FGF14: variants seen among roughly 807,000 people sequenced by gnomAD.
The protein encoded by FGF14 is fibroblast growth factor 14.
Under a neutral mutation model 25.5 loss-of-function variants are expected in FGF14, and 5 were observed. That is an observed-to-expected ratio of 0.20 (90% CI 0.10 to 0.41). The LOEUF (loss-of-function observed/expected upper bound fraction) is 0.41, where lower values mean the gene tolerates loss of function less well. Among genes scored for constraint, FGF14 ranks in the 10% least tolerant of loss-of-function variants. The pLI is 1.00. For synonymous variants in FGF14, 138 were observed against 118.3 expected (o/e 1.17, Z -1.08); for missense variants, 222 against 320.1 (o/e 0.69, Z 2.34).
At chr13:102,234,414 A>G (rs2051233393) in intron 1 of FGF14, among the ~76,000 whole-genome samples, 1 of 73,062 alleles carries the variant, frequency 1.4e-5, no homozygotes, top group African/African-American at 6.2e-5. Flanking sequence ...GCATACACTT[A>G]AATGTGAAGA....
At chr13:102,077,474 G>A (rs2043417313) in intron 1 of FGF14, among the ~76,000 whole-genome samples, 1 of 152,044 alleles carries the variant, frequency 6.6e-6, no homozygotes, top group Non-Finnish European at 1.5e-5. Flanking sequence ...CTTAAAAACA[G>A]GTAAAGGATA....
intron 1 of FGF14, among the ~76,000 whole-genome samples, chr13:101,884,579 T>C (rs886210714): frequency 6.6e-6 from 1 of 151,996 alleles, no homozygotes; most frequent in Non-Finnish European, 1.5e-5. Context: ...CATTAATATA[T>C]GAATAAATAC....
At chr13:102,087,102 C>T (rs1160405583) in intron 1 of FGF14, among the ~76,000 whole-genome samples, 1 of 152,146 alleles carries the variant, frequency 6.6e-6, no homozygotes, top group East Asian at 1.9e-4. Context: ...AATAATCCTG[C>T]CATAATGTAG....
chr13:101,932,714 C>T (rs904282049), intron 1 of FGF14, among the ~76,000 whole-genome samples: 6 of 148,066 alleles, frequency 4.1e-5, no homozygotes, highest in African/African-American at 1.5e-4. Flanking sequence ...TCGGTTGCCC[C>T]TACACACTTT....
chr13:102,224,177 C>G (rs2050734409), intron 1 of FGF14, among the ~76,000 whole-genome samples: 1 of 151,974 alleles, frequency 6.6e-6, no homozygotes, highest in African/African-American at 2.4e-5. Context: ...ATAAAGAAAA[C>G]ATATCTCCAA....
At chr13:102,114,382 T>C (rs776493248) in intron 1 of FGF14, among the ~76,000 whole-genome samples, 2 of 152,214 alleles carry the variant, frequency 1.3e-5, no homozygotes, top group Non-Finnish European at 2.9e-5. Context: ...CAGTTGACTG[T>C]GTCCTTTCCT....
chr13:101,744,967 G>A (rs376750730), intron 3 of FGF14, among the ~76,000 whole-genome samples: 3 of 152,092 alleles, frequency 2.0e-5, no homozygotes, highest in East Asian at 1.9e-4. Flanking sequence ...TCAAATAAAT[G>A]TTTGAACACT....
chr13:101,823,162 A>G (rs1311558997), intron 3 of FGF14, among the ~76,000 whole-genome samples: 1 of 152,052 alleles, frequency 6.6e-6, no homozygotes, highest in Non-Finnish European at 1.5e-5. Flanking sequence ...AAGCTGCTAT[A>G]AACGTTTGAA....
At chr13:102,206,984 C>T (rs1257485223) in intron 1 of FGF14, among the ~76,000 whole-genome samples, 1 of 151,946 alleles carries the variant, frequency 6.6e-6, no homozygotes, top group African/African-American at 2.4e-5. Flanking sequence ...AGGTCAGAAA[C>T]AAGTTTTCCC....
At chr13:102,333,687 C>T (rs868831485) in intron 1 of FGF14, among the ~76,000 whole-genome samples, 8 of 152,112 alleles carry the variant, frequency 5.3e-5, no homozygotes, top group Non-Finnish European at 1.2e-4. Flanking sequence ...TCAGAAAGGA[C>T]GTAAAGTGTC....
At chr13:102,310,088 T>G (rs1293076182) in intron 1 of FGF14, among the ~76,000 whole-genome samples, 1 of 152,212 alleles carries the variant, frequency 6.6e-6, no homozygotes, top group Admixed American at 6.5e-5. Flanking sequence ...AATGAAAAGG[T>G]TTGCTTCCTT....
chr13:101,784,852 C>A (rs2039710853), intron 3 of FGF14, among the ~76,000 whole-genome samples: 1 of 152,166 alleles, frequency 6.6e-6, no homozygotes, highest in Admixed American at 6.5e-5. Flanking sequence ...CATATCACTG[C>A]ATACGCAATC....
chr13:101,934,041 T>C (rs1029491425), intron 1 of FGF14, among the ~76,000 whole-genome samples: 10 of 152,156 alleles, frequency 6.6e-5, no homozygotes, highest in Non-Finnish European at 1.2e-4. Flanking sequence ...TTGTATTCAA[T>C]TTGGTTAATA....
At chr13:101,833,996 C>T (rs1416788908) in intron 3 of FGF14, among the ~76,000 whole-genome samples, 1 of 152,050 alleles carries the variant, frequency 6.6e-6, no homozygotes, top group East Asian at 1.9e-4. Flanking sequence ...TAGTGCTATT[C>T]ACAAGAGAAC....
In FGF14 at chr13:101,876,402, T is replaced by C. The variant is rs929651584; in HGVS notation, c.194-1106A>G. ...AGTAATGAAACCTAGCACCTTATAA[T>C]CAATAGAAAAATTGTGGTCTTGCAA... On this transcript the variant is annotated intron_variant, in intron 1 of 4. Transcript: ENST00000376143. Among the ~76,000 whole-genome samples, 6 of 152,132 alleles carry C rather than the reference T, an allele frequency of 3.9e-5. No homozygotes were observed. The South Asian group carries it at 8.3e-4, about 21-fold the overall frequency.
chr13:102,361,615 AT>A (rs770392440), intron 1 of FGF14, among the ~76,000 whole-genome samples: 1 of 150,860 alleles, frequency 6.6e-6, no homozygotes, highest in East Asian at 1.9e-4. Flanking sequence ...CTCCCTCCTT[AT>A]TTGCCTTCCC....
intron 1 of FGF14, among the ~76,000 whole-genome samples, chr13:102,080,162 T>A (rs1444868997): frequency 6.6e-6 from 1 of 152,162 alleles, no homozygotes; most frequent in Non-Finnish European, 1.5e-5. Flanking sequence ...AACAGGCTCA[T>A]CCTCGTTTCT....
chr13:102,391,728 G>C lies in FGF14; in HGVS notation c.208+9743C>G, dbSNP rs1273571011. Among the ~76,000 whole-genome samples, 106 of 152,186 alleles carry C rather than the reference G, an allele frequency of 7.0e-4. 2 individuals carry two copies. The highest frequency in any genetic ancestry group is 6.9e-3 in the Admixed American group (106 of 15,276). ...ATCAACTCATTTAGCAATGAAGGAGGAAAGAGCATATTGTGTTACTGCTTT... is the reference window on the plus strand; with the variant it reads ...ATCAACTCATTTAGCAATGAAGGAGCAAAGAGCATATTGTGTTACTGCTTT... On this transcript the variant is annotated intron_variant, in intron 1 of 4. Transcript: ENST00000376131.
intron 1 of FGF14, among the ~76,000 whole-genome samples, chr13:101,955,550 A>T (rs1041522270): frequency 6.6e-6 from 1 of 152,226 alleles, no homozygotes; most frequent in African/African-American, 2.4e-5. Flanking sequence ...ATATTATAAA[A>T]TGCATAGGTA....
Sources: allele counts gnomAD v4.1 joint callset (sites outside exome capture counted in the v4.1 genomes callset), GRCh38; gene constraint gnomAD v4.1.1; transcripts MANE v1.5; gene names NCBI Gene and HGNC (gene_info 2026-07-23, HGNC 2026-07-21).